Variants in XKR9 observed in about 807,000 individuals in gnomAD.
XKR9 encodes the protein XK-related protein 9.
In XKR9, 32 loss-of-function variants were observed where a neutral mutation model predicts 32.0. That is an observed-to-expected ratio of 1.00 (90% confidence interval 0.76 to 1.34). XKR9 has a LOEUF of 1.34. XKR9 is among the 40% of genes most tolerant of loss of function. The pLI is 0.00. For synonymous variants in XKR9, 168 were observed against 143.4 expected, an observed-to-expected ratio of 1.17 and a Z score of -1.22; for missense variants, 546 against 429.7, an observed-to-expected ratio of 1.27 and a Z score of -2.39.
chr8:70,706,893 A>T, intron 3 of XKR9, 40 bp from the exon 4 acceptor site: 1 of 1,496,324 alleles, frequency 6.7e-7, no homozygotes, highest in Non-Finnish European at 9.1e-7. Flanking sequence ...TGTTACAAAG[A>T]ATATAAAACT....
At chr8:70,882,304 G>A in the XKR9 span, among the ~76,000 whole-genome samples, 4 of 151,568 alleles carry the variant, frequency 2.6e-5, no homozygotes, top group African/African-American at 9.7e-5. Flanking sequence ...AAAAATATTT[G>A]TATTATAAAA....
the XKR9 span, among the ~76,000 whole-genome samples, chr8:70,813,989 C>G: frequency 1.2e-4 from 19 of 152,158 alleles, no homozygotes; most frequent in Non-Finnish European, 1.5e-5. Context: ...AAGACACATG[C>G]ATACGTATGT....
the XKR9 span, among the ~76,000 whole-genome samples, chr8:70,958,992 T>G: frequency 6.6e-6 from 1 of 152,136 alleles, no homozygotes; most frequent in African/African-American, 2.4e-5. Flanking sequence ...CCCTAATTAT[T>G]ATGTTTTAAT....
At position 70,688,261 on chromosome 8, in the gene XKR9, C is replaced by T. The variant is rs1247661979; in HGVS notation, c.272+6931C>T. 3.3e-5 allele frequency among the ~76,000 whole-genome samples: 5 copies of T among 152,106 alleles called. 1 individual carries two copies. The highest frequency in any genetic ancestry group is 2.6e-4 in the Admixed American group (4 of 15,268). On this transcript the variant is annotated intron_variant, in intron 3 of 4. Coordinates refer to ENST00000408926, the MANE Select transcript of XKR9 (RefSeq NM_001011720.2). ...AAAGGTGAAATGTGTGTGTCTTTGG[C>T]GTGTCACAGTTTTTGATGTGACAAA...
intron 3 of XKR9, among the ~76,000 whole-genome samples, chr8:70,700,317 C>A (rs1162239979): frequency 6.6e-6 from 1 of 152,084 alleles, no homozygotes; most frequent in Non-Finnish European, 1.5e-5. Context: ...GTGGTTTTAT[C>A]TACTTTTGGT....
chr8:70,777,024 G>GGTATACAT (rs897506037), intron 2 of XKR9, among the ~76,000 whole-genome samples: 4 of 147,540 alleles, frequency 2.7e-5, no homozygotes, highest in African/African-American at 1.0e-4. Context: ...TTGTTACATA[G>GGTATACAT]GTATACATGT....
the XKR9 span, among the ~76,000 whole-genome samples, chr8:70,965,491 T>A: frequency 6.6e-6 from 1 of 152,228 alleles, no homozygotes; most frequent in African/African-American, 2.4e-5. Context: ...AGTACCTCGT[T>A]TTCAATTGTT....
At chr8:70,893,948 T>C in the XKR9 span, among the ~76,000 whole-genome samples, 1 of 151,968 alleles carries the variant, frequency 6.6e-6, no homozygotes, top group Admixed American at 6.6e-5. Context: ...TGAATATAGA[T>C]TGCCCGGAGA....
At chr8:70,958,612 T>G in the XKR9 span, among the ~76,000 whole-genome samples, 1 of 152,366 alleles carries the variant, frequency 6.6e-6, no homozygotes, top group Admixed American at 6.5e-5. Context: ...TCAAATGGAT[T>G]AATTGCAAAA....
the XKR9 span, among the ~76,000 whole-genome samples, chr8:71,000,666 C>G: frequency 6.6e-6 from 1 of 152,182 alleles, no homozygotes; most frequent in Non-Finnish European, 1.5e-5. Context: ...CAGGATTGCA[C>G]TTTGCAGCCC....
At chr8:71,032,556 T>C in the XKR9 span, among the ~76,000 whole-genome samples, 1 of 151,972 alleles carries the variant, frequency 6.6e-6, no homozygotes, top group Non-Finnish European at 1.5e-5. Flanking sequence ...ATAGTAGAGA[T>C]TCCTAACTTT....
chr8:70,786,504 G>A (rs923726030), intron 2 of XKR9, among the ~76,000 whole-genome samples: 2 of 151,948 alleles, frequency 1.3e-5, no homozygotes, highest in African/African-American at 4.8e-5. Context: ...TTGATAAATT[G>A]ACCCATTTAT....
At chr8:70,844,840 A>T in the XKR9 span, among the ~76,000 whole-genome samples, 8 of 152,168 alleles carry the variant, frequency 5.3e-5, no homozygotes, top group Non-Finnish European at 1.2e-4. Context: ...TGCCACTTCA[A>T]AGCCCAAGGG....
the XKR9 span, among the ~76,000 whole-genome samples, chr8:70,895,701 T>C: frequency 4.6e-5 from 7 of 151,602 alleles, no homozygotes; most frequent in Non-Finnish European, 8.8e-5. Flanking sequence ...AGTTCTCTTG[T>C]AGGCTGTGTG....
intron 4 of XKR9, among the ~76,000 whole-genome samples, chr8:70,731,015 G>A (rs1478577995): frequency 1.3e-5 from 2 of 152,150 alleles, no homozygotes; most frequent in Non-Finnish European, 2.9e-5. Flanking sequence ...TCCAGTATTG[G>A]TGTCAGGGTC....
chr8:70,786,486 A>G (rs970921267), intron 2 of XKR9, among the ~76,000 whole-genome samples: 2 of 152,124 alleles, frequency 1.3e-5, no homozygotes, highest in African/African-American at 2.4e-5. Flanking sequence ...ACCTACAGTT[A>G]TATTTTCTTG....
chr8:70,841,241 T>C, the XKR9 span, among the ~76,000 whole-genome samples: 4 of 152,274 alleles, frequency 2.6e-5, no homozygotes, highest in South Asian at 8.3e-4. Flanking sequence ...TTCTTAGCTT[T>C]TATTGAGGAT....
At chr8:70,804,103 T>A in the XKR9 span, among the ~76,000 whole-genome samples, 1 of 152,218 alleles carries the variant, frequency 6.6e-6, no homozygotes, top group African/African-American at 2.4e-5. Flanking sequence ...TGGGTGGGGT[T>A]GCCCTCCCTG....
At chr8:70,806,290 C>G in the XKR9 span, among the ~76,000 whole-genome samples, 1 of 152,198 alleles carries the variant, frequency 6.6e-6, no homozygotes, top group African/African-American at 2.4e-5. Context: ...CGAAACTACA[C>G]AAACTCACAA....
Sources: gnomAD v4.1 joint callset for allele counts (sites outside exome capture counted in the v4.1 genomes callset) on GRCh38, gnomAD v4.1.1 for gene constraint, MANE v1.5 for transcripts, NCBI Gene and HGNC (gene_info 2026-07-23, HGNC 2026-07-21) for gene names.